FBXL7: variants seen among roughly 807,000 people sequenced by gnomAD.
The protein encoded by FBXL7 is F-box and leucine rich repeat protein 7, also known as F-box/LRR-repeat protein 7.
Under a neutral mutation model 38.3 loss-of-function variants are expected in FBXL7, and 12 were observed. The ratio of observed to expected loss-of-function variants is 0.31; its 90% CI spans 0.20 to 0.51. FBXL7 has a LOEUF of 0.51. Among genes scored for constraint, FBXL7 ranks in the 20% least tolerant of loss-of-function variants. The probability of loss-of-function intolerance (pLI) is 0.98; values close to 1 mark genes in which losing one functional copy is unlikely to be tolerated. For synonymous variants in FBXL7, 297 were observed against 300.9 expected, an observed-to-expected ratio of 0.99 and a Z score of 0.13; for missense variants, 567 against 676.4, an observed-to-expected ratio of 0.84 and a Z score of 1.79.
intron 1 of FBXL7, among the ~76,000 whole-genome samples, chr5:15,537,374 A>G (rs781781793): frequency 2.6e-5 from 4 of 152,250 alleles, no homozygotes; most frequent in African/African-American, 4.8e-5. Context: ...GGACACACCA[A>G]GACTCCAGAC....
intron 2 of FBXL7, among the ~76,000 whole-genome samples, chr5:15,927,442 G>A (rs561902890): frequency 3.3e-5 from 5 of 152,162 alleles, no homozygotes; most frequent in Non-Finnish European, 7.3e-5. Flanking sequence ...TCTGTGGAAT[G>A]AGAATGTTGC....
At chr5:15,507,344 C>G (rs1034702218) in intron 1 of FBXL7, among the ~76,000 whole-genome samples, 1 of 152,010 alleles carries the variant, frequency 6.6e-6, no homozygotes. Context: ...GATATTTTTT[C>G]GAGATTTGGG....
At chr5:15,577,207 C>T (rs986990754) in intron 1 of FBXL7, among the ~76,000 whole-genome samples, 4 of 152,116 alleles carry the variant, frequency 2.6e-5, no homozygotes, top group African/African-American at 4.8e-5. Flanking sequence ...TAGCTGTGTC[C>T]CTTCCTGAGA....
intron 2 of FBXL7, among the ~76,000 whole-genome samples, chr5:15,702,883 G>A (rs1743571980): frequency 6.6e-6 from 1 of 152,066 alleles, no homozygotes; most frequent in Non-Finnish European, 1.5e-5. Flanking sequence ...TAAGATTTGG[G>A]TAGGTAAAGG....
At chr5:15,565,783 C>T (rs1156459067) in intron 1 of FBXL7, among the ~76,000 whole-genome samples, 1 of 152,062 alleles carries the variant, frequency 6.6e-6, no homozygotes, top group African/African-American at 2.4e-5. Context: ...TTCAGATAGT[C>T]AAGCAAGAGG....
intron 2 of FBXL7, among the ~76,000 whole-genome samples, chr5:15,781,456 C>CGT (rs144932199): frequency 6.0e-5 from 9 of 149,740 alleles, no homozygotes; most frequent in South Asian, 2.1e-4. Flanking sequence ...TGTGCGCGCG[C>CGT]GTGTGTGTGT....
intron 2 of FBXL7, among the ~76,000 whole-genome samples, chr5:15,620,174 C>G (rs1740580811): frequency 6.6e-6 from 1 of 151,742 alleles, no homozygotes; most frequent in African/African-American, 2.4e-5. Context: ...GGGCAGCTAC[C>G]ACTTCTGCAT....
At chr5:15,757,371 G>A (rs921658082) in intron 2 of FBXL7, among the ~76,000 whole-genome samples, 1 of 152,098 alleles carries the variant, frequency 6.6e-6, no homozygotes, top group African/African-American at 2.4e-5. Context: ...ACATTCCTTT[G>A]CATTTCTTGA....
intron 2 of FBXL7, among the ~76,000 whole-genome samples, chr5:15,719,680 T>A (rs899174872): frequency 6.7e-6 from 1 of 149,076 alleles, no homozygotes; most frequent in Middle Eastern, 3.5e-3. Flanking sequence ...TTAGTTCTTT[T>A]GTGAGTGTGT....
chr5:15,791,694 T>G (rs1365052448), intron 2 of FBXL7, among the ~76,000 whole-genome samples: 4 of 152,138 alleles, frequency 2.6e-5, no homozygotes, highest in Admixed American at 1.3e-4. Flanking sequence ...GCGGTCACTG[T>G]CTGGGGAGAA....
At chr5:15,506,386 A>G (rs927770741) in intron 1 of FBXL7, among the ~76,000 whole-genome samples, 2 of 152,096 alleles carry the variant, frequency 1.3e-5, no homozygotes, top group African/African-American at 2.4e-5. Context: ...ACTTGGAAAG[A>G]ACTCAAAATT....
chr5:15,806,937 A>G (rs1213789420), intron 2 of FBXL7, among the ~76,000 whole-genome samples: 1 of 151,406 alleles, frequency 6.6e-6, no homozygotes, highest in Non-Finnish European at 1.5e-5. Context: ...GTACAATTGC[A>G]TTTTTCTTTT....
chr5:15,570,947 C>T (rs986921333), intron 1 of FBXL7, among the ~76,000 whole-genome samples: 16 of 152,068 alleles, frequency 1.1e-4, no homozygotes, highest in African/African-American at 3.6e-4. Context: ...ACAAAATTAG[C>T]AGGGTGTGGT....
chr5:15,569,214 A>G (rs1265124085), intron 1 of FBXL7, among the ~76,000 whole-genome samples: 4 of 152,140 alleles, frequency 2.6e-5, no homozygotes, highest in African/African-American at 7.2e-5. Context: ...GATTCTTCCT[A>G]CCTATGAGCA....
intron 1 of FBXL7, among the ~76,000 whole-genome samples, chr5:15,612,606 TG>T (rs1444647386): frequency 1.3e-4 from 20 of 152,188 alleles, no homozygotes; most frequent in African/African-American, 4.6e-4. Flanking sequence ...AAGAGAGTCC[TG>T]CCATGAGTTA....
intron 2 of FBXL7, among the ~76,000 whole-genome samples, chr5:15,754,461 C>T (rs187097949): frequency 1.9e-4 from 29 of 152,234 alleles, no homozygotes; most frequent in Non-Finnish European, 2.9e-4. Context: ...GCAAGCTGAG[C>T]ATTTGGTTGG....
At chr5:15,782,500 T>C (rs1427869783) in intron 2 of FBXL7, among the ~76,000 whole-genome samples, 1 of 152,204 alleles carries the variant, frequency 6.6e-6, no homozygotes, top group East Asian at 1.9e-4. Flanking sequence ...GTTTCCTGAC[T>C]TTTTAACAAT....
chr5:15,622,845 C>T (rs1740698683), intron 2 of FBXL7, among the ~76,000 whole-genome samples: 1 of 152,140 alleles, frequency 6.6e-6, no homozygotes, highest in Admixed American at 6.5e-5. Flanking sequence ...GTTGGGATTA[C>T]AGGCATGAGC....
chr5:15,734,854 G>T (rs971018876), intron 2 of FBXL7, among the ~76,000 whole-genome samples: 3 of 152,216 alleles, frequency 2.0e-5, no homozygotes, highest in Non-Finnish European at 2.9e-5. Flanking sequence ...GTCCAGATGG[G>T]TGGATGTAAA....
Sources: gnomAD v4.1 joint callset for allele counts (sites outside exome capture counted in the v4.1 genomes callset) on GRCh38, gnomAD v4.1.1 for gene constraint, MANE v1.5 for transcripts, NCBI Gene and HGNC (gene_info 2026-07-23, HGNC 2026-07-21) for gene names.